Variants in C9orf72 observed in about 807,000 individuals in gnomAD.
C9orf72 encodes the protein C9orf72-SMCR8 complex subunit, also known as guanine nucleotide exchange factor C9orf72.
A neutral mutation model predicts 51.6 loss-of-function variants in C9orf72; 44 were observed. That is an observed-to-expected ratio of 0.85 (90% CI 0.67 to 1.10). The LOEUF (loss-of-function observed/expected upper bound fraction) is 1.10, where lower values mean the gene tolerates loss of function less well. C9orf72 is among the 50% of genes least tolerant of loss of function. C9orf72 has a pLI of 0.00. For missense variants in C9orf72, 607 were observed against 570.6 expected, an observed-to-expected ratio of 1.06 and a Z score of -0.65; for synonymous variants, 213 against 194.2, an observed-to-expected ratio of 1.10 and a Z score of -0.81.
At chr9:27,551,391 T>A (rs1207785409) in intron 8 of C9orf72, among the ~76,000 whole-genome samples, 5 of 152,210 alleles carry the variant, frequency 3.3e-5, no homozygotes, top group African/African-American at 1.2e-4. Context: ...CAAACAGGAC[T>A]ACTTATTCCC....
chr9:27,566,143 G>C (rs2120721), intron 2 of C9orf72, among the ~76,000 whole-genome samples: 75,626 of 151,864 alleles, frequency 0.5, 20,080 homozygotes, highest in East Asian at 0.79. Context: ...AATGTAAATA[G>C]CATTATATAT....
chr9:27,564,340 T>C (rs7874565), intron 3 of C9orf72, among the ~76,000 whole-genome samples: 32,828 of 152,030 alleles, frequency 0.22, 3,683 homozygotes, highest in Non-Finnish European at 0.23. Flanking sequence ...TCAACTTAAG[T>C]AAAGGTTTCT....
intron 9 of C9orf72, among the ~76,000 whole-genome samples, chr9:27,549,633 T>C (rs997703924): frequency 6.6e-6 from 1 of 152,220 alleles, no homozygotes; most frequent in Non-Finnish European, 1.5e-5. Flanking sequence ...ATAAGTTCCA[T>C]ATAATCTACG....
intron 5 of C9orf72, chr9:27,561,076 T>C (rs1023432475): frequency 1.0e-5 from 2 of 196,870 alleles, no homozygotes; most frequent in Non-Finnish European, 1.8e-5. Context: ...ATTACTATTA[T>C]TGCCATTTTA....
At chr9:27,555,585 A>G (rs1374042890) in intron 8 of C9orf72, among the ~76,000 whole-genome samples, 1 of 148,542 alleles carries the variant, frequency 6.7e-6, no homozygotes, top group East Asian at 1.9e-4. Flanking sequence ...TTTAAATAAG[A>G]CAGAGTCTCG....
At chr9:27,548,506 AC>A (rs1431712020) in intron 10 of C9orf72, 50 bp downstream of exon 10, 34 of 1,468,000 alleles carry the variant, frequency 2.3e-5, no homozygotes, top group Non-Finnish European at 2.9e-5. Context: ...AGGAAACAAA[AC>A]AAAAAAACAA....
intron 5 of C9orf72, 136 bp downstream of exon 5, chr9:27,561,449 C>A: frequency 1.5e-6 from 2 of 1,341,308 alleles, no homozygotes; most frequent in East Asian, 3.2e-5. Flanking sequence ...CAAATTTAAG[C>A]AACAGTTCAA....
Position 27,550,683 on chromosome 9 carries a change from G to T in C9orf72, c.1116C>A (p.His372Gln). The change falls in exon 9 of 11, where the codon CAC becomes CAA. Residue 372 changes from histidine (H) to glutamine (Q), a missense_variant. Transcript: ENST00000380003. ...GGAAGGCTTTCACTAGAGTGTCTCT[G>T]TGTAAGACATCTTGAAAAATATTCC... Reference protein sequence around the residue: ...PDLNIFQDVLHRDTLVKAFLD... With the variant: ...PDLNIFQDVLQRDTLVKAFLD... The T allele has an allele frequency of 5.0e-6, 8 of 1,586,194 alleles. No individual in the cohort carries two copies. Among genetic ancestry groups the T allele is most frequent in the Non-Finnish European group, 6.9e-6 (8 of 1,162,854 alleles).
At chr9:27,560,498 T>A in intron 5 of C9orf72, 199 bp from the exon 6 acceptor site, 1 of 666,330 alleles carries the variant, frequency 1.5e-6, no homozygotes, top group East Asian at 3.9e-5. Flanking sequence ...ATTTTCTTAT[T>A]GAGCCTTAAA....
At position 27,556,308 on chromosome 9, in the gene C9orf72, T is replaced by A. The variant is rs547229254; in HGVS notation, c.1091+253A>T. ...GGTACCTAGAACAGTGCCTAGGAGCTCAATATATATTTATTAAACAAATAG... is the reference window on the plus strand; with the variant it reads ...GGTACCTAGAACAGTGCCTAGGAGCACAATATATATTTATTAAACAAATAG... On this transcript the variant is annotated intron_variant, in intron 8 of 10. Transcript: ENST00000380003. 4 of 551,194 alleles carry A rather than the reference T, an allele frequency of 7.3e-6. No homozygotes were observed. In the African/African-American group the frequency reaches 7.5e-5, roughly 10 times the overall value. 34.1% of individuals were successfully genotyped at this position (551,194 alleles called of 1,614,324 possible). A position where few individuals can be genotyped will look rare whatever the true frequency, so the allele number is the denominator to read the frequency against.
intron 7 of C9orf72, among the ~76,000 whole-genome samples, chr9:27,557,375 T>C (rs1175809142): frequency 1.3e-5 from 2 of 152,154 alleles, no homozygotes; most frequent in African/African-American, 2.4e-5. Context: ...CTACTGCGTA[T>C]GAGGCACTGT....
At chr9:27,556,822 T>C in intron 7 of C9orf72, 26 bp from the exon 8 acceptor site, 2 of 1,406,596 alleles carry the variant, frequency 1.4e-6, no homozygotes. Flanking sequence ...GAAAATTTAC[T>C]GTCTTACATG....
chr9:27,556,765 C>T lies in C9orf72; in HGVS notation c.887G>A (p.Arg296Gln), dbSNP rs370472336. 1.1e-5 allele frequency: 18 copies of T among 1,613,488 alleles called. No homozygotes were observed. The highest frequency in any genetic ancestry group is 2.2e-5 in the South Asian group (2 of 91,052). Residue 296 changes from arginine (R) to glutamine (Q), a missense_variant, in exon 8 of 11, where the codon CGG becomes CAG. Physicochemically the swap from Arg to Gln is conservative, Grantham distance 43. Transcript: ENST00000380003. ...DSTGSFVLPFRQVMYAPYPTT... is the reference protein window; with the variant it reads ...DSTGSFVLPFQQVMYAPYPTT... ...GGGATATGGAGCATACATGACTTGC[C>T]GGAAAGGCAGCACAAAGCTTCCAGT...
intron 8 of C9orf72, among the ~76,000 whole-genome samples, chr9:27,551,415 C>A (rs1357947662): frequency 6.6e-6 from 1 of 152,198 alleles, no homozygotes; most frequent in Non-Finnish European, 1.5e-5. Context: ...CCAGGCCCCA[C>A]CTCCCTTTCA....
chr9:27,564,135 C>A (rs913468983), intron 3 of C9orf72, among the ~76,000 whole-genome samples: 2 of 144,004 alleles, frequency 1.4e-5, no homozygotes, highest in Non-Finnish European at 3.0e-5. Context: ...AATGAATAGC[C>A]TCACTGAAGC....
intron 3 of C9orf72, among the ~76,000 whole-genome samples, chr9:27,564,660 T>C (rs978985990): frequency 1.3e-5 from 2 of 152,144 alleles, no homozygotes; most frequent in African/African-American, 2.4e-5. Context: ...TTCTGTATTA[T>C]GGCCATGTAT....
At chr9:27,565,685 CACAAGAAAAATACTT>C in intron 2 of C9orf72, 95 bp from the exon 3 acceptor site, 1 of 793,452 alleles carries the variant, frequency 1.3e-6, no homozygotes, top group South Asian at 1.6e-5. Flanking sequence ...TAATTTAGTT[CACAAGAAAAATACTT>C]TCTACTTTAG....
chr9:27,550,041 GTA>G (rs1246368980), intron 9 of C9orf72, among the ~76,000 whole-genome samples: 2 of 149,944 alleles, frequency 1.3e-5, no homozygotes, highest in Non-Finnish European at 3.0e-5. Flanking sequence ...CTATCATAGA[GTA>G]TATGTTATAT....
At chr9:27,565,625 C>A in intron 2 of C9orf72, 35 bp from the exon 3 acceptor site, 2 of 1,347,460 alleles carry the variant, frequency 1.5e-6, no homozygotes, top group East Asian at 2.5e-5. Flanking sequence ...AAAAACAACC[C>A]ACAACATTTT....
Sources: gnomAD v4.1 joint callset for allele counts (sites outside exome capture counted in the v4.1 genomes callset) on GRCh38, gnomAD v4.1.1 for gene constraint, MANE v1.5 for transcripts, NCBI Gene and HGNC (gene_info 2026-07-23, HGNC 2026-07-21) for gene names.